The following LINGO2 variants were observed in gnomAD, a reference collection of about 807,000 sequenced individuals.
LINGO2 encodes leucine-rich repeat and immunoglobulin-like domain-containing nogo receptor-interacting protein 2.
LINGO2 carries 14 observed loss-of-function variants against 30.6 expected under a neutral mutation model. That is an observed-to-expected ratio of 0.46 (90% CI 0.30 to 0.72). The LOEUF (loss-of-function observed/expected upper bound fraction) is 0.72, where lower values mean the gene tolerates loss of function less well. Among genes scored for constraint, LINGO2 ranks in the 30% least tolerant of loss-of-function variants. LINGO2 has a pLI of 0.07. For missense variants in LINGO2, 729 were observed against 751.7 expected (o/e 0.97, Z 0.35); for synonymous variants, 317 against 288.5 (o/e 1.10, Z -1.00).
At chr9:28,645,750 AT>A (rs1408035579) in intron 1 of LINGO2, among the ~76,000 whole-genome samples, 1 of 152,102 alleles carries the variant, frequency 6.6e-6, no homozygotes, top group East Asian at 1.9e-4. Context: ...ACTGAAAATG[AT>A]ATCTAATATC....
intron 4 of LINGO2, among the ~76,000 whole-genome samples, chr9:28,049,303 G>C (rs1224907252): frequency 1.3e-5 from 2 of 150,840 alleles, no homozygotes; most frequent in African/African-American, 4.9e-5. Context: ...AGTGGAGGTA[G>C]ACATGTCAAT....
chr9:28,189,265 GAGGGAGGA>G (rs1819663990), intron 4 of LINGO2, among the ~76,000 whole-genome samples: 1 of 57,342 alleles, frequency 1.7e-5, no homozygotes, highest in Non-Finnish European at 3.3e-5. Context: ...GGAAGGAAGG[GAGGGAGGA>G]AGGGAGGGAG....
At chr9:28,347,847 G>C (rs1019559654) in intron 3 of LINGO2, among the ~76,000 whole-genome samples, 2 of 152,162 alleles carry the variant, frequency 1.3e-5, no homozygotes, top group Non-Finnish European at 2.9e-5. Context: ...CCTGAGTGCT[G>C]AGTACTACTG....
intron 1 of LINGO2, among the ~76,000 whole-genome samples, chr9:28,579,821 G>A (rs1201111120): frequency 2.0e-5 from 3 of 152,088 alleles, no homozygotes; most frequent in Non-Finnish European, 2.9e-5. Context: ...GAGATAAGAA[G>A]AATGGTATAG....
intron 1 of LINGO2, among the ~76,000 whole-genome samples, chr9:28,588,481 G>A (rs540556534): frequency 6.6e-6 from 1 of 151,950 alleles, no homozygotes; most frequent in Admixed American, 6.6e-5. Flanking sequence ...TACCATAAGT[G>A]TAATATCAGG....
At chr9:28,898,504 G>A in the LINGO2 span, among the ~76,000 whole-genome samples, 1 of 152,120 alleles carries the variant, frequency 6.6e-6, no homozygotes, top group African/African-American at 2.4e-5. Flanking sequence ...GGTCTGTATC[G>A]AGGTTTTCCG....
intron 1 of LINGO2, among the ~76,000 whole-genome samples, chr9:28,632,484 G>T (rs1826992117): frequency 6.7e-6 from 1 of 149,854 alleles, no homozygotes. Context: ...GATTAGTCAG[G>T]GTTCTCTTAG....
At chr9:28,582,081 T>C (rs1325774802) in intron 1 of LINGO2, among the ~76,000 whole-genome samples, 1 of 152,012 alleles carries the variant, frequency 6.6e-6, no homozygotes, top group Non-Finnish European at 1.5e-5. Context: ...CTCATCAGGC[T>C]ACCTTAAATA....
At chr9:28,727,624 T>C in the LINGO2 span, among the ~76,000 whole-genome samples, 8 of 152,154 alleles carry the variant, frequency 5.3e-5, no homozygotes, top group African/African-American at 1.9e-4. Flanking sequence ...CCACTGGTCT[T>C]TCATCCGTCT....
At chr9:28,796,253 A>C in the LINGO2 span, among the ~76,000 whole-genome samples, 3 of 152,164 alleles carry the variant, frequency 2.0e-5, no homozygotes, top group Admixed American at 6.5e-5. Context: ...ATAATATCCC[A>C]TGCATTTGAG....
At chr9:28,291,402 C>T (rs568806659) in intron 4 of LINGO2, among the ~76,000 whole-genome samples, 2 of 152,224 alleles carry the variant, frequency 1.3e-5, no homozygotes, top group South Asian at 2.1e-4. Flanking sequence ...AGGGAGATGG[C>T]GTCACTTGTT....
chr9:28,873,701 G>T, the LINGO2 span, among the ~76,000 whole-genome samples: 1 of 151,942 alleles, frequency 6.6e-6, no homozygotes, highest in Non-Finnish European at 1.5e-5. Context: ...TATAATTGCA[G>T]AAAAAGACTA....
chr9:28,412,229 A>T (rs7857323), intron 2 of LINGO2, among the ~76,000 whole-genome samples: 44,957 of 150,310 alleles, frequency 0.3, 7,054 homozygotes, highest in Non-Finnish European at 0.32. Flanking sequence ...TTTCTTTAAA[A>T]AGCAGTTTAG....
the LINGO2 span, among the ~76,000 whole-genome samples, chr9:28,913,451 T>C: frequency 4.6e-5 from 7 of 152,148 alleles, no homozygotes; most frequent in Admixed American, 1.3e-4. Context: ...TGTTGCATGA[T>C]ATGTCAACCA....
In LINGO2 at chr9:28,117,685, C is replaced by T. The variant is rs374933652; in HGVS notation, c.-86-105280G>A. ...AGTGACCCGATTTTCCAGGTGCGTC[C>T]GTCACCCCTTTCTTTGACTCGGAAA... On this transcript the variant is annotated intron_variant, in intron 4 of 5. Transcript: ENST00000379992. Among the ~76,000 whole-genome samples, 163 of 138,960 alleles carry T rather than the reference C, an allele frequency of 1.2e-3. 3 individuals carry two copies. The East Asian group carries it at 0.031, about 27-fold the overall frequency. The allele number at this position is 138,960 out of a possible 152,430, so 91.2% of individuals were successfully genotyped here.
the LINGO2 span, among the ~76,000 whole-genome samples, chr9:28,758,439 GA>G: frequency 6.6e-6 from 1 of 151,928 alleles, no homozygotes; most frequent in Admixed American, 6.6e-5. Flanking sequence ...AATGACTTGT[GA>G]AAAAAAGTTC....
At chr9:28,848,276 A>G in the LINGO2 span, among the ~76,000 whole-genome samples, 3 of 94,466 alleles carry the variant, frequency 3.2e-5, no homozygotes, top group African/African-American at 1.1e-4. Flanking sequence ...TATATACTAT[A>G]TATACACTAT....
At chr9:28,560,776 C>G (rs1385580316) in intron 1 of LINGO2, among the ~76,000 whole-genome samples, 2 of 152,018 alleles carry the variant, frequency 1.3e-5, no homozygotes, top group Non-Finnish European at 2.9e-5. Context: ...AAGCGATCCT[C>G]TCACCTCAAC....
upstream of LINGO2, among the ~76,000 whole-genome samples, chr9:28,674,381 C>T (rs115217482): frequency 9.2e-3 from 1,404 of 152,116 alleles, 20 homozygotes; most frequent in African/African-American, 0.033. Flanking sequence ...AAACGATCTC[C>T]CTAGAACTTT....
Sources: gnomAD v4.1 joint callset for allele counts (sites outside exome capture counted in the v4.1 genomes callset) on GRCh38, gnomAD v4.1.1 for gene constraint, MANE v1.5 for transcripts, NCBI Gene and HGNC (gene_info 2026-07-23, HGNC 2026-07-21) for gene names.